ANKRD28: variants seen among roughly 807,000 people sequenced by gnomAD.
The protein encoded by ANKRD28 is serine/threonine-protein phosphatase 6 regulatory ankyrin repeat subunit A.
In ANKRD28, 44 loss-of-function variants were observed where a neutral mutation model predicts 126.5. That is an observed-to-expected ratio of 0.35 (90% CI 0.27 to 0.45). ANKRD28 has a LOEUF of 0.45. ANKRD28 is among the 20% of genes least tolerant of loss of function. ANKRD28 has a pLI of 1.00. For missense variants in ANKRD28, 1,110 were observed against 1,316.6 expected, an observed-to-expected ratio of 0.84 and a Z score of 2.43; for synonymous variants, 442 against 468.5, an observed-to-expected ratio of 0.94 and a Z score of 0.73.
chr3:15,711,121 C>T (rs2072214899), intron 12 of ANKRD28, 90 bp downstream of exon 12: 4 of 1,131,548 alleles, frequency 3.5e-6, no homozygotes, highest in South Asian at 3.1e-5. Context: ...TTTCTGGCAG[C>T]CCAGAATTAA....
rs559869946 is a variant in ANKRD28 at position 15,853,720 on chromosome 3, C to G, written c.27+5657G>C. 6.6e-6 allele frequency among the ~76,000 whole-genome samples: 1 copy of G among 152,094 alleles called. No individual in the cohort carries two copies. Among genetic ancestry groups the G allele is most frequent in the Non-Finnish European group, 1.5e-5 (1 of 68,018 alleles). ...TCCTGACCTCATGATCCGCCCGCCT[C>G]GGTCTCCCAAAGTGCTGGGATTACA... is the stretch of plus-strand genomic sequence containing the variant. On this transcript the variant is annotated intron_variant, in intron 1 of 27. Coordinates refer to the ANKRD28 transcript ENST00000399451. This position sits in a 1 kb window ranked among gnomAD's most constrained non-coding sequence, Gnocchi z 4.2.
chr3:15,743,711 C>T (rs2057283864), intron 4 of ANKRD28, among the ~76,000 whole-genome samples: 1 of 152,078 alleles, frequency 6.6e-6, no homozygotes, highest in Non-Finnish European at 1.5e-5. Context: ...AGTCATAAAT[C>T]ATAGTAGTAG....
intron 2 of ANKRD28, among the ~76,000 whole-genome samples, chr3:15,772,964 G>GT (rs1157101054): frequency 3.3e-5 from 5 of 152,008 alleles, no homozygotes; most frequent in African/African-American, 4.8e-5. Flanking sequence ...AAGAGTGAAT[G>GT]TTTTTTTCTG....
chr3:15,859,400 C>T (rs1312419336), exon 1 of ANKRD28: 1 of 1,527,778 alleles, frequency 6.5e-7, no homozygotes, highest in Non-Finnish European at 8.8e-7. Flanking sequence ...TTGAGGAACG[C>T]CATGGCGGTC....
chr3:15,793,968 G>A (rs2060153327), intron 2 of ANKRD28, among the ~76,000 whole-genome samples: 1 of 152,122 alleles, frequency 6.6e-6, no homozygotes, highest in Non-Finnish European at 1.5e-5. Context: ...TACTTGGGAG[G>A]TTGAGGCAGG....
intron 1 of ANKRD28, among the ~76,000 whole-genome samples, chr3:15,805,379 C>A (rs559174590): frequency 6.6e-6 from 1 of 152,156 alleles, no homozygotes; most frequent in Non-Finnish European, 1.5e-5. Flanking sequence ...AAGGACTCAT[C>A]ATTTTAGAGG....
chr3:15,751,692 G>C, intron 4 of ANKRD28, 58 bp downstream of exon 4: 1 of 1,094,870 alleles, frequency 9.1e-7, no homozygotes, highest in South Asian at 1.4e-5. Flanking sequence ...TATGGATTCA[G>C]GGGTACGCCT....
intron 3 of ANKRD28, among the ~76,000 whole-genome samples, chr3:15,761,950 C>T (rs1468085157): frequency 6.6e-6 from 1 of 152,018 alleles, no homozygotes; most frequent in East Asian, 1.9e-4. Flanking sequence ...CTTTGGGAGG[C>T]CGTGGTGGGT....
intron 15 of ANKRD28, among the ~76,000 whole-genome samples, 196 bp from the exon 16 acceptor site, chr3:15,695,410 G>A (rs1474105702): frequency 2.0e-5 from 3 of 152,100 alleles, no homozygotes; most frequent in South Asian, 2.1e-4. Flanking sequence ...AAATTTTGGT[G>A]TGAATATCCA....
chr3:15,701,612 C>T (rs1216887645), intron 14 of ANKRD28, among the ~76,000 whole-genome samples: 2 of 150,848 alleles, frequency 1.3e-5, no homozygotes, highest in African/African-American at 5.0e-5. Context: ...CCATTGCACT[C>T]CAGCCTGGGC....
intron 14 of ANKRD28, among the ~76,000 whole-genome samples, chr3:15,697,022 A>G (rs973207123): frequency 6.6e-6 from 1 of 152,204 alleles, no homozygotes; most frequent in Non-Finnish European, 1.5e-5. Context: ...CAATTGCAAA[A>G]ATATGAAACA....
Position 15,715,096 on chromosome 3 carries a change from A to C in ANKRD28, c.997-440T>G, listed in dbSNP as rs1013381838. The stretch of plus-strand genomic sequence containing the variant: ...CATATATTTGTTTATAGTTACGTGT[A>C]CTAAATATTTTCTCAAATCACTTAA... On this transcript the variant is annotated intron_variant, in intron 8 of 27. Transcript: ENST00000683139. Among the ~76,000 whole-genome samples the C allele has an allele frequency of 5.3e-5, 8 of 152,240 alleles. No homozygotes were observed. In the South Asian group the frequency reaches 1.2e-3, roughly 24 times the overall value.
At chr3:15,808,236 C>A (rs60237752) in intron 1 of ANKRD28, among the ~76,000 whole-genome samples, 2 of 152,042 alleles carry the variant, frequency 1.3e-5, no homozygotes, top group African/African-American at 4.8e-5. Flanking sequence ...CAAATATCAA[C>A]GGATTTGAAG....
At chr3:15,734,292 T>C (rs372820812) in intron 6 of ANKRD28, among the ~76,000 whole-genome samples, 1 of 152,230 alleles carries the variant, frequency 6.6e-6, no homozygotes, top group South Asian at 2.1e-4. Context: ...GTTAATCTTT[T>C]ATTTTTAAAT....
intron 3 of ANKRD28, among the ~76,000 whole-genome samples, chr3:15,765,573 G>A (rs1029572919): frequency 8.5e-5 from 13 of 152,114 alleles, no homozygotes; most frequent in African/African-American, 3.1e-4. Context: ...CGGGCATGGT[G>A]GCTCACTCCT....
intron 3 of ANKRD28, among the ~76,000 whole-genome samples, chr3:15,752,131 ATG>A (rs2057896958): frequency 6.6e-6 from 1 of 152,108 alleles, no homozygotes. Context: ...CCATTTTAGA[ATG>A]TGTGTTAAAA....
intron 3 of ANKRD28, among the ~76,000 whole-genome samples, chr3:15,759,042 A>C (rs2058318675): frequency 6.6e-6 from 1 of 152,296 alleles, no homozygotes; most frequent in African/African-American, 2.4e-5. Context: ...TAAGCTCCCA[A>C]ACAAAATATC....
intron 6 of ANKRD28, among the ~76,000 whole-genome samples, chr3:15,726,970 C>T (rs1000305115): frequency 1.3e-5 from 2 of 152,166 alleles, no homozygotes; most frequent in South Asian, 2.1e-4. Flanking sequence ...GTTTATAACA[C>T]GGTTTACTGA....
At chr3:15,717,450 A>T (rs2073201326) in intron 8 of ANKRD28, among the ~76,000 whole-genome samples, 2 of 152,176 alleles carry the variant, frequency 1.3e-5, no homozygotes, top group Non-Finnish European at 2.9e-5. Flanking sequence ...TTTCTTTCTG[A>T]ACTGGAGAAA....
Sources: allele counts gnomAD v4.1 joint callset (sites outside exome capture counted in the v4.1 genomes callset), GRCh38; gene constraint gnomAD v4.1.1; non-coding constraint Gnocchi (gnomAD v3.1); transcripts MANE v1.5; gene names NCBI Gene and HGNC (gene_info 2026-07-23, HGNC 2026-07-21).